Variants in MCTP1 observed in about 807,000 individuals in gnomAD.
MCTP1 encodes the protein multiple C2 and transmembrane domain containing 1.
MCTP1 carries 69 observed loss-of-function variants against 120.6 expected under a neutral mutation model. That is an observed-to-expected ratio of 0.57 (90% CI 0.47 to 0.70). The LOEUF (loss-of-function observed/expected upper bound fraction) is 0.70, where lower values mean the gene tolerates loss of function less well. Ranked by LOEUF, MCTP1 falls within the 30% of genes least tolerant of loss-of-function variation. The pLI is 0.00. For synonymous variants in MCTP1, 529 were observed against 493.1 expected (o/e 1.07, Z -0.96); for missense variants, 1,203 against 1,248.8 (o/e 0.96, Z 0.55).
intron 13 of MCTP1, among the ~76,000 whole-genome samples, 188 bp from the exon 14 acceptor site, chr5:94,871,605 A>C (rs115516851): frequency 0.021 from 3,178 of 152,244 alleles, 66 homozygotes; most frequent in Admixed American, 0.059. Flanking sequence ...AGTCAACTAT[A>C]GTGATGGTTC....
At chr5:94,927,736 A>G (rs1813528011) in intron 6 of MCTP1, among the ~76,000 whole-genome samples, 1 of 152,146 alleles carries the variant, frequency 6.6e-6, no homozygotes, top group Non-Finnish European at 1.5e-5. Flanking sequence ...TTGCTGATGC[A>G]TTTTTAATGT....
At chr5:95,101,884 T>C (rs1034216853) in intron 1 of MCTP1, among the ~76,000 whole-genome samples, 2 of 152,210 alleles carry the variant, frequency 1.3e-5, no homozygotes, top group African/African-American at 4.8e-5. Flanking sequence ...AGGTGATTGA[T>C]GAAAAACATA....
At chr5:94,785,703 CA>C (rs1777525896) in intron 18 of MCTP1, among the ~76,000 whole-genome samples, 1 of 151,880 alleles carries the variant, frequency 6.6e-6, no homozygotes, top group South Asian at 2.1e-4. Flanking sequence ...AACTTTGTAA[CA>C]AAAAGGCATA....
intron 1 of MCTP1, among the ~76,000 whole-genome samples, chr5:95,025,985 G>A (rs1839181257): frequency 6.6e-6 from 1 of 152,010 alleles, no homozygotes; most frequent in Admixed American, 6.6e-5. Context: ...TCTGCTGCTT[G>A]GGAGGTCTTT....
rs576986433 is a variant in MCTP1 at position 95,007,217 on chromosome 5, C to G, written c.838+10150G>C. Among the ~76,000 whole-genome samples the G allele has an allele frequency of 2.6e-5, 4 of 152,226 alleles. No homozygotes were observed. In the East Asian group the frequency reaches 7.7e-4, roughly 29 times the overall value. Reference sequence around the variant, plus strand: ...GGTAATCGCCCCCACAATTCAATTACCTCCCACTGGGTCCCTCCCGCGACA... The same window carrying G: ...GGTAATCGCCCCCACAATTCAATTAGCTCCCACTGGGTCCCTCCCGCGACA... On this transcript the variant is annotated intron_variant, in intron 2 of 22. Transcript: ENST00000515393.
At chr5:95,281,340 C>T (rs977806580) in intron 1 of MCTP1, among the ~76,000 whole-genome samples, 4 of 152,190 alleles carry the variant, frequency 2.6e-5, no homozygotes, top group African/African-American at 9.7e-5. Flanking sequence ...GGTTCCAATT[C>T]CATTTTTTCC....
At chr5:94,860,215 C>G (rs1795493802) in intron 17 of MCTP1, among the ~76,000 whole-genome samples, 3 of 151,598 alleles carry the variant, frequency 2.0e-5, no homozygotes, top group Admixed American at 2.0e-4. Context: ...CAATGAAGAT[C>G]TAATAGGTAA....
intron 1 of MCTP1, among the ~76,000 whole-genome samples, chr5:95,266,858 A>G (rs1444855252): frequency 6.6e-6 from 1 of 152,216 alleles, no homozygotes; most frequent in Non-Finnish European, 1.5e-5. Context: ...GCGTTCTCAG[A>G]ATAGCAAGTA....
chr5:95,103,247 G>A (rs1049739967), intron 1 of MCTP1, among the ~76,000 whole-genome samples: 2 of 151,878 alleles, frequency 1.3e-5, no homozygotes, highest in South Asian at 2.1e-4. Context: ...AAATATATAC[G>A]TAAGCTTTGG....
rs745597394 is a variant in MCTP1 at position 95,284,516 on chromosome 5, G to A, written c.60C>T (p.Phe20=). 6.7e-6 allele frequency: 10 copies of A among 1,502,432 alleles called. No individual in the cohort carries two copies. In the South Asian group the frequency reaches 7.5e-5, roughly 11 times the overall value. 93.1% of individuals were successfully genotyped at this position (1,502,432 alleles called of 1,614,324 possible). Residue 20 remains phenylalanine, a synonymous_variant, in exon 1 of 23, where the codon TTC becomes TTT. Transcript: ENST00000515393. The surrounding 1 kb of genome is among the most constrained non-coding windows in gnomAD (Gnocchi z 5.2). ...GCAGGTTCTTCCAGAGCCGGGCCTG[G>A]AAGGAGGAGGACGCCGCCGGCGGCT... ...EPEPPAASSS[F]QARLWKNLQL...
chr5:95,244,877 C>T (rs1162028697), intron 1 of MCTP1, among the ~76,000 whole-genome samples: 2 of 152,202 alleles, frequency 1.3e-5, no homozygotes, highest in African/African-American at 4.8e-5. Flanking sequence ...AACGGTCAGA[C>T]TGCCTCCTCA....
intron 1 of MCTP1, among the ~76,000 whole-genome samples, chr5:95,155,150 C>T (rs1744966107): frequency 6.6e-6 from 1 of 152,106 alleles, no homozygotes; most frequent in Admixed American, 6.5e-5. Context: ...TAGAGCTCTA[C>T]TCAGATCATG....
intron 1 of MCTP1, among the ~76,000 whole-genome samples, chr5:95,200,309 A>G (rs1279907905): frequency 6.6e-6 from 1 of 152,228 alleles, no homozygotes; most frequent in Admixed American, 6.5e-5. Flanking sequence ...AAAATTAAAA[A>G]TAGAACTGCC....
chr5:94,924,051 T>C lies in MCTP1; in HGVS notation c.1213-30A>G, dbSNP rs148461570. On this transcript the variant is annotated intron_variant, in intron 6 of 22. Coordinates refer to ENST00000515393, the MANE Select transcript of MCTP1 (RefSeq NM_024717.7). ...AAACAAACAAATATTTAGCTACATTTTGAGATGTTTTTGAGAATAATTAAT... is the reference window on the plus strand; with the variant it reads ...AAACAAACAAATATTTAGCTACATTCTGAGATGTTTTTGAGAATAATTAAT... The C allele has an allele frequency of 3.8e-4, 492 of 1,305,014 alleles. 2 individuals are homozygous for C. The African/African-American group carries it at 6.3e-3, about 17-fold the overall frequency. The allele number at this position is 1,305,014 out of a possible 1,614,324, so 80.8% of individuals were successfully genotyped here.
intron 1 of MCTP1, among the ~76,000 whole-genome samples, chr5:95,043,916 G>A (rs890422536): frequency 8.5e-5 from 13 of 152,276 alleles, no homozygotes; most frequent in South Asian, 2.1e-4. Context: ...TCCATTTCCA[G>A]CTCTGCCTGC....
intron 1 of MCTP1, among the ~76,000 whole-genome samples, chr5:95,109,448 T>C (rs1188306996): frequency 1.3e-5 from 2 of 152,192 alleles, no homozygotes; most frequent in African/African-American, 4.8e-5. Context: ...CTTGATATGC[T>C]GGCAATTTTC....
intron 1 of MCTP1, among the ~76,000 whole-genome samples, chr5:95,081,092 A>C (rs891245158): frequency 2.6e-5 from 4 of 152,182 alleles, no homozygotes; most frequent in Non-Finnish European, 5.9e-5. Context: ...TAGCAAAAGA[A>C]ATATAAGAAA....
chr5:94,720,465 T>C lies in MCTP1; in HGVS notation c.2611-5579A>G, dbSNP rs191312113. 4.3e-3 allele frequency among the ~76,000 whole-genome samples: 662 copies of C among 152,262 alleles called. 1 individual carries two copies. The highest frequency in any genetic ancestry group is 0.015 in the African/African-American group (626 of 41,576). ...ACAAAAAGACTAATAGTATGTTGGATGAGATTATAGTACATACAATTGATA... is the reference window on the plus strand; with the variant it reads ...ACAAAAAGACTAATAGTATGTTGGACGAGATTATAGTACATACAATTGATA... On this transcript the variant is annotated intron_variant, in intron 19 of 22. Coordinates refer to ENST00000515393, the MANE Select transcript of MCTP1 (RefSeq NM_024717.7).
At chr5:95,230,709 A>G (rs142973832) in intron 1 of MCTP1, among the ~76,000 whole-genome samples, 1 of 152,340 alleles carries the variant, frequency 6.6e-6, no homozygotes, top group East Asian at 1.9e-4. Flanking sequence ...CTGATAATGG[A>G]ACACTAGGCA....
Sources: gnomAD v4.1 joint callset for allele counts (sites outside exome capture counted in the v4.1 genomes callset) on GRCh38, gnomAD v4.1.1 for gene constraint, Gnocchi (gnomAD v3.1) non-coding constraint, MANE v1.5 for transcripts, NCBI Gene and HGNC (gene_info 2026-07-23, HGNC 2026-07-21) for gene names.